FANCM: variants seen among roughly 807,000 people sequenced by gnomAD.
FANCM encodes Fanconi anemia group M protein.
Under a neutral mutation model 199.5 loss-of-function variants are expected in FANCM, and 140 were observed. The observed-to-expected ratio is 0.70, with a 90% confidence interval of 0.61 to 0.81. The LOEUF is 0.81. Ranked by LOEUF, FANCM falls within the 30% of genes least tolerant of loss-of-function variation. The pLI, the probability that FANCM is intolerant of heterozygous loss-of-function variation, is 0.00. For synonymous variants in FANCM, 840 were observed against 836.8 expected, an observed-to-expected ratio of 1.00 and a Z score of -0.07; for missense variants, 2,410 against 2,421.4, an observed-to-expected ratio of 1.00 and a Z score of 0.10.
rs1247124091 is a variant in FANCM, at chr14:45,176,873, C to A, written c.4119C>A (p.Phe1373Leu). The A allele has an allele frequency of 6.2e-7, 1 of 1,609,292 alleles. No homozygotes were observed. The highest frequency in any genetic ancestry group is 1.7e-5 in the Admixed American group (1 of 59,798). The change falls in exon 14 of 23, where the codon TTC (phenylalanine) becomes TTA (leucine). Residue 1373 changes from phenylalanine (F) to leucine (L), a missense_variant. Transcript: ENST00000267430. ...SSKEKVNLQR[F>L]KEALNSTFDY... Reference sequence around the variant, plus strand: ...AGGAAAAAGTAAACCTACAAAGATTCAAAGAAGCATTGAATTCAACTTTTG... The same window carrying A: ...AGGAAAAAGTAAACCTACAAAGATTAAAAGAAGCATTGAATTCAACTTTTG...
At chr14:45,177,982 G>C (rs1043137515) in intron 14 of FANCM, among the ~76,000 whole-genome samples, 2 of 152,176 alleles carry the variant, frequency 1.3e-5, no homozygotes, top group Non-Finnish European at 2.9e-5. Context: ...AGATGATATA[G>C]TGATAGATGT....
intron 3 of FANCM, among the ~76,000 whole-genome samples, chr14:45,141,287 C>CA (rs534567010): frequency 0.079 from 3,482 of 44,110 alleles, 283 homozygotes; most frequent in African/African-American, 0.19. Flanking sequence ...GGCTCCGTCT[C>CA]AAAAAAAAAA....
rs775976078 is a variant in FANCM at position 45,181,471 on chromosome 14, A to AT, written c.4268dup (p.Arg1424ProfsTer5). ...AAGTAACGAAAGTGAAGATGACGAG[A>AT]TTTTCCGAAGAAAAGTTAAAAGAGC... On this transcript the variant is annotated frameshift_variant, in exon 15 of 23. Transcript: ENST00000267430. LOFTEE classifies it high-confidence loss of function. 1 of 1,608,520 alleles carries AT rather than the reference A, an allele frequency of 6.2e-7. No individual in the cohort carries two copies.
At chr14:45,174,403 A>T (rs1888532990) in intron 13 of FANCM, among the ~76,000 whole-genome samples, 1 of 152,030 alleles carries the variant, frequency 6.6e-6, no homozygotes, top group Non-Finnish European at 1.5e-5. Flanking sequence ...AAAAAAACAA[A>T]AAAACCAGAG....
rs775186162 is a variant in FANCM at position 45,136,458 on chromosome 14, A to G, written c.427A>G (p.Thr143Ala). The G allele has an allele frequency of 4.3e-6, 7 of 1,614,076 alleles. No homozygotes were observed. Among genetic ancestry groups the G allele is most frequent in the Admixed American group, 3.3e-5 (2 of 60,008 alleles). ...PSGKVVFMAP[T>A]KPLVTQQIEA... ...AGGAAAGGTGGTCTTCATGGCCCCA[A>G]CGAAACCCTTGGTGACACAGCAGAT... is the stretch of plus-strand genomic sequence containing the variant. Residue 143 changes from threonine (T) to alanine (A), a missense_variant, in exon 1 of 23, where the codon ACG becomes GCG. By Grantham distance (58) the Thr-to-Ala change is moderately conservative. Transcript: ENST00000267430.
chr14:45,167,783 A>G lies in FANCM; in HGVS notation c.2002+620A>G, dbSNP rs540790409. Among the ~76,000 whole-genome samples, 3 of 152,298 alleles carry G rather than the reference A, an allele frequency of 2.0e-5. No individual in the cohort carries two copies. The South Asian group carries it at 6.2e-4, about 32-fold the overall frequency. On this transcript the variant is annotated intron_variant, in intron 11 of 22. Transcript: ENST00000267430. ...TCTCTGAAGTGGGTTTTAAACAATCATAAAAATCATATAACTAACATTTGG... is the reference window on the plus strand; with the variant it reads ...TCTCTGAAGTGGGTTTTAAACAATCGTAAAAATCATATAACTAACATTTGG...
chr14:45,189,483 G>A lies in FANCM; in HGVS notation c.5340+121G>A, dbSNP rs371390718. 387 of 756,576 alleles carry A rather than the reference G, an allele frequency of 5.1e-4. 2 individuals carry two copies. The highest frequency in any genetic ancestry group is 2.0e-3 in the Middle Eastern group (7 of 3,488). The allele number at this position is 756,576 out of a possible 1,614,324, so 46.9% of individuals were successfully genotyped here. Reference sequence around the variant, plus strand: ...AAAGAAAAATTAACAAAAAAATTTTGCAGAAAATGTCTTCAAACAAGAAAA... The same window carrying A: ...AAAGAAAAATTAACAAAAAAATTTTACAGAAAATGTCTTCAAACAAGAAAA... On this transcript the variant is annotated intron_variant, in intron 20 of 22. Transcript: ENST00000267430.
intron 14 of FANCM, among the ~76,000 whole-genome samples, 175 bp from the exon 15 acceptor site, chr14:45,181,255 T>C (rs1240425965): frequency 6.6e-6 from 1 of 152,128 alleles, no homozygotes; most frequent in Non-Finnish European, 1.5e-5. Context: ...TTAATTTTTT[T>C]GTCTCTTGTT....
intron 1 of FANCM, 59 bp from the exon 2 acceptor site, chr14:45,137,006 CTATT>C: frequency 1.6e-6 from 2 of 1,254,056 alleles, no homozygotes; most frequent in Non-Finnish European, 1.2e-6. Flanking sequence ...AAAAGCCAGA[CTATT>C]TATATTTTAT....
At chr14:45,173,852 T>G (rs2139237114) in intron 13 of FANCM, among the ~76,000 whole-genome samples, 1 of 152,300 alleles carries the variant, frequency 6.6e-6, no homozygotes, top group African/African-American at 2.4e-5. Flanking sequence ...TAGCTCCTAT[T>G]TTTATTATTA....
intron 10 of FANCM, among the ~76,000 whole-genome samples, chr14:45,166,656 G>A (rs186098128): frequency 2.6e-5 from 4 of 151,842 alleles, no homozygotes; most frequent in Admixed American, 6.6e-5. Flanking sequence ...CACACCTGTA[G>A]TCCCAGCTAC....
chr14:45,188,651 T>C (rs1481792419), intron 19 of FANCM, 151 bp from the exon 20 acceptor site: 1 of 632,926 alleles, frequency 1.6e-6, no homozygotes, highest in Non-Finnish European at 2.8e-6. Flanking sequence ...CCATAAAGAA[T>C]GTACTTAGTT....
In FANCM at chr14:45,176,298, C is replaced by A; in HGVS notation, c.3544C>A (p.Leu1182Ile). Residue 1182 changes from leucine to isoleucine, a missense_variant, in exon 14 of 23, where the codon CTT (leucine) becomes ATT (isoleucine). Coordinates refer to ENST00000267430, the MANE Select transcript of FANCM (RefSeq NM_020937.4). ...CTCTCAGTTCTTAATTTCTGATGAACTTTTGTTGGACAATAATTCTGAACT... is the reference window on the plus strand; with the variant it reads ...CTCTCAGTTCTTAATTTCTGATGAAATTTTGTTGGACAATAATTCTGAACT... ...LVSQFLISDE[L>I]LLDNNSELQD... 1 of 1,614,002 alleles carries A rather than the reference C, an allele frequency of 6.2e-7. No homozygotes were observed. The highest frequency in any genetic ancestry group is 1.3e-5 in the African/African-American group (1 of 75,032).
At chr14:45,190,052 T>C (rs900603995) in intron 20 of FANCM, among the ~76,000 whole-genome samples, 4 of 152,144 alleles carry the variant, frequency 2.6e-5, no homozygotes, top group Non-Finnish European at 5.9e-5. Context: ...AAGTCCTTTT[T>C]ATTGGGTAAA....
At chr14:45,136,636 C>T (rs1885536362) in intron 1 of FANCM, 97 bp downstream of exon 1, 1 of 1,193,700 alleles carries the variant, frequency 8.4e-7, no homozygotes, top group Non-Finnish European at 1.2e-6. Context: ...TACGCCCTCC[C>T]TCTTAAAACA....
intron 11 of FANCM, among the ~76,000 whole-genome samples, chr14:45,169,890 A>C (rs1888230467): frequency 6.6e-6 from 1 of 152,002 alleles, no homozygotes; most frequent in Admixed American, 6.6e-5. Flanking sequence ...TGTTCCCCCT[A>C]CACTTTACTC....
At chr14:45,192,663 C>T (rs1034128843) in intron 20 of FANCM, among the ~76,000 whole-genome samples, 9 of 151,532 alleles carry the variant, frequency 5.9e-5, no homozygotes, top group Non-Finnish European at 1.3e-4. Flanking sequence ...AAAAACCAAA[C>T]AAAAGCAACA....
intron 10 of FANCM, among the ~76,000 whole-genome samples, chr14:45,164,878 TTG>T (rs1451456865): frequency 6.6e-6 from 1 of 152,220 alleles, no homozygotes; most frequent in African/African-American, 2.4e-5. Context: ...GGCCTGTGCT[TTG>T]TGTTTAGTTT....
At chr14:45,185,514 A>G (rs557309763) in intron 18 of FANCM, 141 bp downstream of exon 18, 1 of 571,412 alleles carries the variant, frequency 1.8e-6, no homozygotes, top group Admixed American at 3.5e-5. Context: ...GGTCATTTTC[A>G]TTCAAATTCT....
Sources: allele counts gnomAD v4.1 joint callset (sites outside exome capture counted in the v4.1 genomes callset), GRCh38; gene constraint gnomAD v4.1.1; transcripts MANE v1.5; gene names NCBI Gene and HGNC (gene_info 2026-07-23, HGNC 2026-07-21).